SPOCK3: variants seen among roughly 807,000 people sequenced by gnomAD.
The protein encoded by SPOCK3 is SPARC (osteonectin), cwcv and kazal like domains proteoglycan 3, also known as testican-3.
Under a neutral mutation model 56.6 loss-of-function variants are expected in SPOCK3, and 30 were observed. That is an observed-to-expected ratio of 0.53 (90% CI 0.40 to 0.72). The LOEUF is 0.72. Ranked by LOEUF, SPOCK3 falls within the 30% of genes least tolerant of loss-of-function variation. SPOCK3 has a pLI of 0.00. For synonymous variants in SPOCK3, 196 were observed against 183.3 expected, an observed-to-expected ratio of 1.07 and a Z score of -0.56; for missense variants, 527 against 530.0, an observed-to-expected ratio of 0.99 and a Z score of 0.06.
chr4:166,878,219 C>T (rs1011536830), intron 6 of SPOCK3, among the ~76,000 whole-genome samples: 3 of 152,138 alleles, frequency 2.0e-5, no homozygotes, highest in Non-Finnish European at 2.9e-5. Flanking sequence ...GCGAAGGTTG[C>T]AGTGGGCCGA....
chr4:167,019,307 A>G (rs1750945564), intron 3 of SPOCK3, among the ~76,000 whole-genome samples: 1 of 152,048 alleles, frequency 6.6e-6, no homozygotes, highest in African/African-American at 2.4e-5. Flanking sequence ...ATTCTGTCCT[A>G]TAATTCAAAA....
intron 2 of SPOCK3, among the ~76,000 whole-genome samples, chr4:167,178,324 A>G (rs561112495): frequency 6.6e-6 from 1 of 152,304 alleles, no homozygotes; most frequent in African/African-American, 2.4e-5. Flanking sequence ...TGTTTAAATA[A>G]TTTAACATTC....
intron 2 of SPOCK3, among the ~76,000 whole-genome samples, chr4:167,178,839 C>A (rs1307298726): frequency 6.6e-6 from 1 of 151,846 alleles, no homozygotes; most frequent in Non-Finnish European, 1.5e-5. Flanking sequence ...AAATAAAATA[C>A]ATGGTATTAT....
chr4:167,137,256 G>A (rs1254122592), intron 2 of SPOCK3, among the ~76,000 whole-genome samples: 1 of 151,898 alleles, frequency 6.6e-6, no homozygotes, highest in African/African-American at 2.4e-5. Context: ...TAATAAAAAT[G>A]CTCAGTGAAA....
At chr4:167,164,025 A>G (rs571668296) in intron 2 of SPOCK3, among the ~76,000 whole-genome samples, 5 of 152,264 alleles carry the variant, frequency 3.3e-5, no homozygotes, top group African/African-American at 1.2e-4. Context: ...ACCTGGAATA[A>G]AAAATACAAT....
At chr4:166,825,845 G>T (rs1472210785) in intron 6 of SPOCK3, among the ~76,000 whole-genome samples, 1 of 152,030 alleles carries the variant, frequency 6.6e-6, no homozygotes, top group Non-Finnish European at 1.5e-5. Context: ...AAGCTATAAG[G>T]ATGCAAAGGC....
At chr4:166,837,864 T>G (rs1746799356) in intron 6 of SPOCK3, among the ~76,000 whole-genome samples, 1 of 152,286 alleles carries the variant, frequency 6.6e-6, no homozygotes, top group South Asian at 2.1e-4. Flanking sequence ...CTGTGGTTGC[T>G]ACAAATTTTC....
chr4:166,946,481 G>T (rs572815162), intron 4 of SPOCK3, among the ~76,000 whole-genome samples: 47 of 152,178 alleles, frequency 3.1e-4, no homozygotes, highest in Non-Finnish European at 3.2e-4. Flanking sequence ...AACCTGTGCC[G>T]CCAAGTCCTT....
At chr4:167,129,004 C>T (rs1418673216) in intron 2 of SPOCK3, among the ~76,000 whole-genome samples, 2 of 152,060 alleles carry the variant, frequency 1.3e-5, no homozygotes, top group East Asian at 3.9e-4. Flanking sequence ...GTACTGTGTT[C>T]CTGCTCTATA....
intron 2 of SPOCK3, among the ~76,000 whole-genome samples, chr4:167,073,119 T>G (rs1341135394): frequency 2.0e-5 from 3 of 151,718 alleles, no homozygotes; most frequent in Admixed American, 1.3e-4. Flanking sequence ...GTAAAAATAT[T>G]TATGGTATTT....
chr4:166,808,338 A>C (rs1262436446), intron 6 of SPOCK3, among the ~76,000 whole-genome samples: 1 of 152,090 alleles, frequency 6.6e-6, no homozygotes, highest in Non-Finnish European at 1.5e-5. Context: ...CTAACTGCCA[A>C]TGTGACTGTA....
intron 4 of SPOCK3, among the ~76,000 whole-genome samples, chr4:166,932,604 C>T (rs1739918028): frequency 6.6e-6 from 1 of 152,002 alleles, no homozygotes; most frequent in Admixed American, 6.6e-5. Context: ...ATTTTTGTTG[C>T]TAAAAATGCC....
intron 3 of SPOCK3, among the ~76,000 whole-genome samples, chr4:167,046,557 G>C (rs1753754136): frequency 6.9e-6 from 1 of 144,402 alleles, no homozygotes; most frequent in South Asian, 2.2e-4. Context: ...CGGGGTTCAA[G>C]TGACTCTCCT....
intron 6 of SPOCK3, among the ~76,000 whole-genome samples, chr4:166,865,420 ACT>A (rs2126925276): frequency 6.6e-6 from 1 of 152,228 alleles, no homozygotes; most frequent in East Asian, 1.9e-4. Context: ...AGTATTGGAA[ACT>A]CTGGCCAGGG....
At chr4:166,794,210 C>CAAAAAAGAAA (rs1741648872) in intron 6 of SPOCK3, among the ~76,000 whole-genome samples, 1 of 73,612 alleles carries the variant, frequency 1.4e-5, no homozygotes, top group African/African-American at 5.4e-5. Flanking sequence ...GGTGATAAGG[C>CAAAAAAGAAA]AAAAAAAAAA....
At chr4:166,838,294 A>G (rs1746845141) in intron 6 of SPOCK3, among the ~76,000 whole-genome samples, 1 of 152,148 alleles carries the variant, frequency 6.6e-6, no homozygotes, top group African/African-American at 2.4e-5. Flanking sequence ...AAAGACTCAA[A>G]TGACATAAAT....
chr4:167,065,037 C>A (rs868035358), intron 2 of SPOCK3, among the ~76,000 whole-genome samples: 11 of 64,050 alleles, frequency 1.7e-4, no homozygotes, highest in South Asian at 5.5e-4. Flanking sequence ...ATGCCCTCTC[C>A]AAAAAAAAAA....
chr4:166,782,471 A>C (rs994365214), intron 7 of SPOCK3, among the ~76,000 whole-genome samples: 2 of 152,188 alleles, frequency 1.3e-5, no homozygotes, highest in Non-Finnish European at 2.9e-5. Flanking sequence ...CAAACTTGGC[A>C]TAATTTATAT....
chr4:166,920,882 C>T (rs1738408087), intron 4 of SPOCK3, among the ~76,000 whole-genome samples: 2 of 152,108 alleles, frequency 1.3e-5, no homozygotes, highest in African/African-American at 4.8e-5. Context: ...GATCTGAAAG[C>T]TTCAGCAGAG....
Sources: allele counts gnomAD v4.1 joint callset (sites outside exome capture counted in the v4.1 genomes callset), GRCh38; gene constraint gnomAD v4.1.1; transcripts MANE v1.5; gene names NCBI Gene and HGNC (gene_info 2026-07-23, HGNC 2026-07-21).